The following FEZ1 variants were observed in gnomAD, a reference collection of about 807,000 sequenced individuals.
The protein encoded by FEZ1 is fasciculation and elongation protein zeta-1.
In FEZ1, 20 loss-of-function variants were observed where a neutral mutation model predicts 49.3. That is an observed-to-expected ratio of 0.41 (90% confidence interval 0.29 to 0.59). FEZ1 has a LOEUF of 0.59. Ranked by LOEUF, FEZ1 falls within the 20% of genes least tolerant of loss-of-function variation. The pLI, the probability that FEZ1 is intolerant of heterozygous loss-of-function variation, is 0.36. For synonymous variants in FEZ1, 170 were observed against 180.9 expected, an observed-to-expected ratio of 0.94 and a Z score of 0.48; for missense variants, 413 against 476.0, an observed-to-expected ratio of 0.87 and a Z score of 1.23.
chr11:125,482,644 C>T (rs915094996), intron 2 of FEZ1, among the ~76,000 whole-genome samples: 1 of 151,960 alleles, frequency 6.6e-6, no homozygotes, highest in South Asian at 2.1e-4. Flanking sequence ...AGATAATGAC[C>T]GCCATGGAAG....
At chr11:125,457,933 C>T (rs1957035566) in intron 5 of FEZ1, among the ~76,000 whole-genome samples, 2 of 152,124 alleles carry the variant, frequency 1.3e-5, no homozygotes, top group Admixed American at 6.5e-5. Context: ...CTCTTTGGAG[C>T]TGCCCTCTCC....
At chr11:125,469,810 T>C (rs1161837178) in intron 3 of FEZ1, among the ~76,000 whole-genome samples, 2 of 151,624 alleles carry the variant, frequency 1.3e-5, no homozygotes, top group Admixed American at 6.6e-5. Context: ...AATTCTGGGC[T>C]CAAGTGATCC....
intron 4 of FEZ1, among the ~76,000 whole-genome samples, chr11:125,461,673 C>T (rs1024337808): frequency 1.3e-5 from 2 of 152,194 alleles, no homozygotes; most frequent in Non-Finnish European, 2.9e-5. Flanking sequence ...AAGAAGACTG[C>T]TGCTGAAAGC....
At chr11:125,466,292 G>A (rs1310947307) in intron 3 of FEZ1, among the ~76,000 whole-genome samples, 1 of 152,032 alleles carries the variant, frequency 6.6e-6, no homozygotes, top group Non-Finnish European at 1.5e-5. Context: ...ACCAACCTGG[G>A]CAACATGGCA....
At position 125,445,281 on chromosome 11, in the gene FEZ1, C is replaced by T. The variant is rs1231135953; in HGVS notation, c.*814G>A. 6.6e-6 allele frequency among the ~76,000 whole-genome samples: 1 copy of T among 152,166 alleles called. No homozygotes were observed. Among genetic ancestry groups the T allele is most frequent in the African/African-American group, 2.4e-5 (1 of 41,442 alleles). On this transcript the variant is annotated 3_prime_UTR_variant, in exon 10 of 10. Transcript: ENST00000278919. This position sits in a 1 kb window ranked among gnomAD's most constrained non-coding sequence, Gnocchi z 4.4. ...CAAGTACAGGAAACAAGTTGCAGTC[C>T]CCTACGTTGGGAAAGCTCAGCAGAG... is the stretch of plus-strand genomic sequence containing the variant.
At chr11:125,483,129 A>G (rs1388000844) in intron 2 of FEZ1, among the ~76,000 whole-genome samples, 1 of 152,128 alleles carries the variant, frequency 6.6e-6, no homozygotes, top group African/African-American at 2.4e-5. Flanking sequence ...ATGTATATAT[A>G]CACCAGGGCA....
At position 125,492,706 on chromosome 11, in the gene FEZ1, G is replaced by A. The variant is rs574418006; in HGVS notation, c.-45-2884C>T. Among the ~76,000 whole-genome samples the A allele has an allele frequency of 4.6e-5, 7 of 152,344 alleles. 1 individual carries two copies. The East Asian group carries it at 1.3e-3, about 29-fold the overall frequency. On this transcript the variant is annotated intron_variant, in intron 1 of 9. Transcript: ENST00000278919. ...CATCTATAAAATGGAGTTTAAAACAGTGCTTCCCTTGAAGATTACTTTTTG... is the reference window on the plus strand; with the variant it reads ...CATCTATAAAATGGAGTTTAAAACAATGCTTCCCTTGAAGATTACTTTTTG...
intron 6 of FEZ1, chr11:125,454,480 A>G: frequency 3.1e-6 from 1 of 322,248 alleles, no homozygotes. Context: ...TTTATCCTCC[A>G]TCATGCAAAT....
intron 2 of FEZ1, among the ~76,000 whole-genome samples, chr11:125,485,855 A>T (rs1258181400): frequency 1.3e-5 from 2 of 151,978 alleles, no homozygotes; most frequent in African/African-American, 4.8e-5. Context: ...CTGAGGCAGG[A>T]GAATTGCTTG....
At chr11:125,459,830 C>T (rs1591585698) in intron 5 of FEZ1, among the ~76,000 whole-genome samples, 1 of 152,248 alleles carries the variant, frequency 6.6e-6, no homozygotes, top group East Asian at 1.9e-4. Flanking sequence ...GGCGCAGTGG[C>T]TCACACTTGT....
chr11:125,487,006 C>G (rs192277959), intron 2 of FEZ1, among the ~76,000 whole-genome samples: 3 of 152,134 alleles, frequency 2.0e-5, no homozygotes, highest in African/African-American at 7.2e-5. Context: ...TACCTTATCT[C>G]GAAGGAATTA....
intron 3 of FEZ1, among the ~76,000 whole-genome samples, chr11:125,472,365 G>A (rs755874978): frequency 2.3e-4 from 35 of 152,042 alleles, no homozygotes; most frequent in Non-Finnish European, 4.6e-4. Context: ...TGACAAGAGA[G>A]AGTGAGAGAG....
rs1410211889 is a variant in FEZ1 at position 125,495,451 on chromosome 11, G to C, written c.-46+670C>G. 4.3e-6 allele frequency: 2 copies of C among 470,238 alleles called. No individual in the cohort carries two copies. The highest frequency in any genetic ancestry group is 8.8e-6 in the Non-Finnish European group (2 of 226,546). 29.1% of individuals were successfully genotyped at this position (470,238 alleles called of 1,614,324 possible). Reference sequence around the variant, plus strand: ...AGCCCGGGGCCCACCCGACGGCAGCGCGCCCCGCCACCGCGCAGCCGCCCC... The same window carrying C: ...AGCCCGGGGCCCACCCGACGGCAGCCCGCCCCGCCACCGCGCAGCCGCCCC... On this transcript the variant is annotated intron_variant, in intron 1 of 9. Coordinates refer to ENST00000278919, the MANE Select transcript of FEZ1 (RefSeq NM_005103.5). The surrounding 1 kb of genome is among the most constrained non-coding windows in gnomAD (Gnocchi z 4.2).
Position 125,445,924 on chromosome 11 carries a change from T to G in FEZ1, c.*171A>C. 2.8e-6 allele frequency: 2 copies of G among 712,778 alleles called. No homozygotes were observed. The highest frequency in any genetic ancestry group is 2.8e-4 in the Middle Eastern group (1 of 3,576). 44.2% of individuals were successfully genotyped at this position (712,778 alleles called of 1,614,324 possible). A position where few individuals can be genotyped will look rare whatever the true frequency, so the allele number is the denominator to read the frequency against. ...GCCCCATCATGCATCCAATGATTAC[T>G]AGCACTAGAAGCCAACGGCAAAGGA... On this transcript the variant is annotated 3_prime_UTR_variant, in exon 10 of 10. Coordinates refer to ENST00000278919, the MANE Select transcript of FEZ1 (RefSeq NM_005103.5). This position sits in a 1 kb window ranked among gnomAD's most constrained non-coding sequence, Gnocchi z 4.4.
chr11:125,475,876 T>C (rs1464503470), intron 3 of FEZ1, among the ~76,000 whole-genome samples: 2 of 152,018 alleles, frequency 1.3e-5, no homozygotes, highest in East Asian at 3.9e-4. Context: ...TCATTTGAAA[T>C]ATGCAAAAAG....
At chr11:125,457,044 A>G (rs1957017041) in intron 5 of FEZ1, among the ~76,000 whole-genome samples, 1 of 151,760 alleles carries the variant, frequency 6.6e-6, no homozygotes, top group Admixed American at 6.6e-5. Flanking sequence ...TTAGCCAGGC[A>G]TGGTGGTGCC....
intron 2 of FEZ1, among the ~76,000 whole-genome samples, chr11:125,487,653 AC>A (rs1173006291): frequency 6.6e-6 from 1 of 152,202 alleles, no homozygotes; most frequent in Non-Finnish European, 1.5e-5. Flanking sequence ...CTGTGATCAT[AC>A]CTTCCGGCCA....
chr11:125,486,327 G>A (rs184774250), intron 2 of FEZ1, among the ~76,000 whole-genome samples: 2 of 152,164 alleles, frequency 1.3e-5, no homozygotes, highest in Non-Finnish European at 2.9e-5. Flanking sequence ...TTTCCATTTT[G>A]TAGTGACCCC....
intron 3 of FEZ1, among the ~76,000 whole-genome samples, chr11:125,473,803 A>C (rs1387135730): frequency 4.8e-5 from 7 of 145,786 alleles, no homozygotes; most frequent in Non-Finnish European, 1.1e-4. Context: ...TGGGCAACAG[A>C]GCAAGACTCC....
Sources: allele counts gnomAD v4.1 joint callset (sites outside exome capture counted in the v4.1 genomes callset), GRCh38; gene constraint gnomAD v4.1.1; non-coding constraint Gnocchi (gnomAD v3.1); transcripts MANE v1.5; gene names NCBI Gene and HGNC (gene_info 2026-07-23, HGNC 2026-07-21).